SPAG1: variants seen among roughly 807,000 people sequenced by gnomAD.
The protein encoded by SPAG1 is sperm-associated antigen 1.
A neutral mutation model predicts 100.5 loss-of-function variants in SPAG1; 69 were observed. The ratio of observed to expected loss-of-function variants is 0.69; its 90% confidence interval spans 0.57 to 0.84. SPAG1 has a LOEUF of 0.84. SPAG1 is among the 40% of genes least tolerant of loss of function. The pLI is 0.00. For missense variants in SPAG1, 955 were observed against 1,133.1 expected, an observed-to-expected ratio of 0.84 and a Z score of 2.26; for synonymous variants, 336 against 411.6, an observed-to-expected ratio of 0.82 and a Z score of 2.22.
In SPAG1 at chr8:100,172,634, A is replaced by ATGTGTGTGTGTGTG. The variant is rs60155004; in HGVS notation, c.301-5162_301-5149dup. Among the ~76,000 whole-genome samples the ATGTGTGTGTGTGTG allele has an allele frequency of 7.6e-4, 110 of 145,558 alleles. 1 individual carries two copies. Among genetic ancestry groups the ATGTGTGTGTGTGTG allele is most frequent in the East Asian group, 1.0e-3 (5 of 4,958 alleles). On this transcript the variant is annotated intron_variant, in intron 3 of 18. Coordinates refer to ENST00000388798, the MANE Select transcript of SPAG1 (RefSeq NM_003114.5). ...GACTCTGCCTAAAAAAAAGAAATATATGTGTGTGTGTGTGTGTGTGTGTGT... is the reference window on the plus strand; with the variant it reads ...GACTCTGCCTAAAAAAAAGAAATATATGTGTGTGTGTGTGTGTGTGTGTGTGTGTGTGTGTGTGT...
chr8:100,187,666 C>CAA (rs202052978), intron 8 of SPAG1, among the ~76,000 whole-genome samples: 5 of 144,776 alleles, frequency 3.5e-5, no homozygotes, highest in African/African-American at 1.3e-4. Flanking sequence ...CTCTGTGTCT[C>CAA]AAAAAAAAAA....
Position 100,232,937 on chromosome 8 carries a change from T to C in SPAG1, c.1989-474T>C, listed in dbSNP as rs377167315. 1.6e-3 allele frequency among the ~76,000 whole-genome samples: 245 copies of C among 152,374 alleles called. 2 individuals carry two copies. Among genetic ancestry groups the C allele is most frequent in the African/African-American group, 5.5e-3 (230 of 41,590 alleles). On this transcript the variant is annotated intron_variant, in intron 15 of 18. Transcript: ENST00000388798. ...TTCTCTTCCACTGTAGGTGCAGGTC[T>C]GTGCACTCGCTGTGTCCTTGGCCTC...
rs759104796 is a variant in SPAG1 at position 100,184,608 on chromosome 8, C to T, written c.596-20C>T. The stretch of plus-strand genomic sequence containing the variant: ...TGTTAAATTATACGTTTACATATAG[C>T]AGATAACATTTATTTCTAGGTCTAA... On this transcript the variant is annotated intron_variant, in intron 6 of 18. Transcript: ENST00000388798. 1.5e-6 allele frequency: 2 copies of T among 1,312,304 alleles called. No homozygotes were observed. Among genetic ancestry groups the T allele is most frequent in the Non-Finnish European group, 2.1e-6 (2 of 946,150 alleles). The allele number at this position is 1,312,304 out of a possible 1,614,324, so 81.3% of individuals were successfully genotyped here.
At chr8:100,174,587 G>A (rs753618578) in intron 3 of SPAG1, among the ~76,000 whole-genome samples, 23 of 152,084 alleles carry the variant, frequency 1.5e-4, no homozygotes, top group Non-Finnish European at 2.6e-4. Flanking sequence ...TTCTTCCACC[G>A]TTTGCTTTAG....
At chr8:100,204,390 T>C (rs1817419070) in intron 10 of SPAG1, among the ~76,000 whole-genome samples, 1 of 152,022 alleles carries the variant, frequency 6.6e-6, no homozygotes, top group African/African-American at 2.4e-5. Context: ...AGAACAGGCA[T>C]GGGAATGGAT....
chr8:100,239,590 C>T lies in SPAG1; in HGVS notation c.2280+186C>T, dbSNP rs1819163135. On this transcript the variant is annotated intron_variant, in intron 17 of 18. Coordinates refer to ENST00000388798, the MANE Select transcript of SPAG1 (RefSeq NM_003114.5). This position sits in a 1 kb window ranked among gnomAD's most constrained non-coding sequence, Gnocchi z 5.0. Reference sequence around the variant, plus strand: ...GATAATTAGCCATTGTATTTCCCAACGTGGGTCCATGGATGGTACTGGGAG... The same window carrying T: ...GATAATTAGCCATTGTATTTCCCAATGTGGGTCCATGGATGGTACTGGGAG... 6.6e-6 allele frequency among the ~76,000 whole-genome samples: 1 copy of T among 152,218 alleles called. No individual in the cohort carries two copies.
At chr8:100,163,631 T>TC (rs1815416062) in intron 2 of SPAG1, among the ~76,000 whole-genome samples, 1 of 152,196 alleles carries the variant, frequency 6.6e-6, no homozygotes, top group Non-Finnish European at 1.5e-5. Flanking sequence ...TGGTGGTTCT[T>TC]TATTTCCTCT....
At chr8:100,234,951 G>A (rs974555220) in intron 16 of SPAG1, among the ~76,000 whole-genome samples, 7 of 152,294 alleles carry the variant, frequency 4.6e-5, no homozygotes, top group Admixed American at 3.9e-4. Context: ...AGGAAGGTAA[G>A]TGAGAGATCA....
At chr8:100,212,998 TCCGCGTCCTGCACCC>T (rs1817786163) in intron 10 of SPAG1, 77 bp from the exon 11 acceptor site, 1 of 1,075,200 alleles carries the variant, frequency 9.3e-7, no homozygotes, top group Non-Finnish European at 1.2e-6. Context: ...GAGCCCGCCC[TCCGCGTCCTGCACCC>T]CCGCGGCCTC....
chr8:100,172,007 G>A (rs1166843266), intron 3 of SPAG1, among the ~76,000 whole-genome samples: 2 of 151,614 alleles, frequency 1.3e-5, no homozygotes, highest in East Asian at 1.9e-4. Context: ...TGATTCTCCC[G>A]CCTCAGCCTC....
intron 10 of SPAG1, among the ~76,000 whole-genome samples, chr8:100,208,747 T>C (rs1373508367): frequency 1.3e-5 from 2 of 152,258 alleles, no homozygotes; most frequent in Admixed American, 1.3e-4. Flanking sequence ...AGCATTTAAG[T>C]ATTAACTTTA....
At chr8:100,187,058 T>G (rs760074227) in intron 7 of SPAG1, 62 bp from the exon 8 acceptor site, 1 of 1,524,048 alleles carries the variant, frequency 6.6e-7, no homozygotes, top group Non-Finnish European at 8.9e-7. Context: ...TGAAGCTGAA[T>G]TTCTCTACAT....
intron 8 of SPAG1, among the ~76,000 whole-genome samples, chr8:100,188,593 G>C (rs1210752231): frequency 2.6e-5 from 4 of 152,126 alleles, no homozygotes; most frequent in South Asian, 2.1e-4. Context: ...TGACCACCTT[G>C]TCATGGTTCA....
At chr8:100,200,314 T>C (rs912510284) in intron 10 of SPAG1, among the ~76,000 whole-genome samples, 2 of 152,262 alleles carry the variant, frequency 1.3e-5, no homozygotes, top group African/African-American at 4.8e-5. Context: ...CCATGGGGTA[T>C]ATGTGCCACA....
chr8:100,165,426 C>T (rs1815504449), intron 2 of SPAG1: 10 of 420,996 alleles, frequency 2.4e-5, no homozygotes, highest in East Asian at 2.0e-4. Context: ...GTACTTTGTA[C>T]GCCAGCCGCG....
chr8:100,240,349 G>A, intron 17 of SPAG1, 54 bp from the exon 18 acceptor site: 1 of 1,512,938 alleles, frequency 6.6e-7, no homozygotes, highest in East Asian at 2.3e-5. Context: ...TACTTAGGAT[G>A]TATGTGGTGA....
At position 100,213,876 on chromosome 8, in the gene SPAG1, T is replaced by C. The variant is rs750545271; in HGVS notation, c.1493T>C (p.Leu498Pro). The C allele has an allele frequency of 2.5e-6, 4 of 1,605,690 alleles. No individual in the cohort carries two copies. In the South Asian group the frequency reaches 4.4e-5, roughly 18 times the overall value. ...TATTCAAATAGAGCAGCATGTTACCTAAAAGAAGGAAACTGCAGTGGCTGC... is the reference window on the plus strand; with the variant it reads ...TATTCAAATAGAGCAGCATGTTACCCAAAAGAAGGAAACTGCAGTGGCTGC... ...ILYSNRAACY[L>P]KEGNCSGCIQ... The change falls in exon 12 of 19, where the codon CTA (leucine) becomes CCA (proline). Residue 498 changes from leucine (L) to proline (P), a missense_variant. Coordinates refer to ENST00000388798, the MANE Select transcript of SPAG1 (RefSeq NM_003114.5).
chr8:100,191,268 T>G, intron 8 of SPAG1, 122 bp from the exon 9 acceptor site: 2 of 630,600 alleles, frequency 3.2e-6, no homozygotes, highest in Non-Finnish European at 2.8e-6. Context: ...AGGGTGTAGT[T>G]GAGCTTTGGG....
At position 100,177,834 on chromosome 8, in the gene SPAG1, A is replaced by T. The variant is rs752479330; in HGVS notation, c.319A>T (p.Lys107Ter). Residue 107 changes from lysine to a stop codon, truncating the protein, a stop_gained, in exon 4 of 19, where the codon AAA (lysine) becomes TAA (stop). Transcript: ENST00000388798. LOFTEE classifies it high-confidence loss of function. ...TTCTCAGAGTTGGGTATCAGAAATT[A>T]AAAAAGAAGAAGATAAAATGCACTT... ...GDIKSWVSEI[K>*]KEEDKMHFHE... The T allele has an allele frequency of 2.6e-6, 4 of 1,533,380 alleles. No individual in the cohort carries two copies. The highest frequency in any genetic ancestry group is 1.1e-5 in the South Asian group (1 of 89,014). The allele number at this position is 1,533,380 out of a possible 1,614,324, so 95.0% of individuals were successfully genotyped here.
Sources: allele counts gnomAD v4.1 joint callset (sites outside exome capture counted in the v4.1 genomes callset), GRCh38; gene constraint gnomAD v4.1.1; non-coding constraint Gnocchi (gnomAD v3.1); transcripts MANE v1.5; gene names NCBI Gene and HGNC (gene_info 2026-07-23, HGNC 2026-07-21).